Variants in ARHGEF1 observed in about 807,000 individuals in gnomAD.
The protein encoded by ARHGEF1 is 115 kDa guanine nucleotide exchange factor.
In ARHGEF1, 40 loss-of-function variants were observed where a neutral mutation model predicts 119.7. The ratio of observed to expected loss-of-function variants is 0.33; its 90% CI spans 0.26 to 0.44. The LOEUF is 0.44. ARHGEF1 is among the 20% of genes least tolerant of loss of function. The pLI, the probability that ARHGEF1 is intolerant of heterozygous loss-of-function variation, is 1.00. For synonymous variants in ARHGEF1, 494 were observed against 521.0 expected, an observed-to-expected ratio of 0.95 and a Z score of 0.71; for missense variants, 976 against 1,268.3, an observed-to-expected ratio of 0.77 and a Z score of 3.50.
At chr19:41,928,463 T>TCTCCTCTTC (rs1300751204) in intron 1 of ARHGEF1, 1 of 154,952 alleles carries the variant, frequency 6.5e-6, no homozygotes, top group Middle Eastern at 3.3e-3. Flanking sequence ...TCCTGCGCCT[T>TCTCCTCTTC]CTCCTCTTCC....
Position 41,902,905 on chromosome 19 carries a change from C to G in ARHGEF1, c.1738+7C>G, listed in dbSNP as rs375253553. The G allele has an allele frequency of 1.5e-5, 24 of 1,571,012 alleles. No homozygotes were observed. Among genetic ancestry groups the G allele is most frequent in the Non-Finnish European group, 1.9e-5 (22 of 1,160,148 alleles). On this transcript the variant is annotated splice_region_variant and intron_variant, in intron 18 of 28. Transcript: ENST00000354532. This position sits in a 1 kb window ranked among gnomAD's most constrained non-coding sequence, Gnocchi z 6.5. ...AGCATCGGGCAGAACACAGGTACCG[C>G]GGGCCTGGATCTCTGGGCCTCGGCT...
At chr19:41,911,685 A>G (rs569976971), downstream of ARHGEF1, among the ~76,000 whole-genome samples, 2 of 152,182 alleles carry the variant, frequency 1.3e-5, no homozygotes, top group East Asian at 3.9e-4. Context: ...GCTCTGACCC[A>G]TTCCACACCC....
chr19:41,895,638 T>C (rs1240610094), intron 12 of ARHGEF1, 152 bp downstream of exon 12: 2 of 873,240 alleles, frequency 2.3e-6, no homozygotes, highest in East Asian at 5.5e-5. Context: ...TGGTCACCAC[T>C]GTCATTCATA....
Position 41,898,562 on chromosome 19 carries a change from G to A in ARHGEF1, c.1242G>A (p.Gln414=). The part of the protein sequence containing the change: ...PDTLHSLPKS[Q]VKRQEVISEL... Reference sequence around the variant, plus strand: ...CCCTGCACAGCCTGCCCAAGAGCCAGGTGAAGCGGCAGGAGGTCATCAGCG... The same window carrying A: ...CCCTGCACAGCCTGCCCAAGAGCCAAGTGAAGCGGCAGGAGGTCATCAGCG... Residue 414 remains glutamine, a synonymous_variant, in exon 14 of 29, where the codon CAG becomes CAA. Coordinates refer to ENST00000354532, the MANE Select transcript of ARHGEF1 (RefSeq NM_004706.4). The A allele has an allele frequency of 6.3e-7, 1 of 1,582,148 alleles. No homozygotes were observed. Among genetic ancestry groups the A allele is most frequent in the Non-Finnish European group, 8.6e-7 (1 of 1,164,454 alleles).
rs781854337 is a variant in ARHGEF1 at position 41,892,151 on chromosome 19, C to A, written c.324+28C>A. ...GAGAGACCTTCAAGCTGCCCCAACC[C>A]TGCAATCCCTGTTTGGGCCTGCAGA... On this transcript the variant is annotated intron_variant, in intron 5 of 28. Coordinates refer to ENST00000354532, the MANE Select transcript of ARHGEF1 (RefSeq NM_004706.4). This position sits in a 1 kb window ranked among gnomAD's most constrained non-coding sequence, Gnocchi z 6.3. 38 of 1,598,434 alleles carry A rather than the reference C, an allele frequency of 2.4e-5. No individual in the cohort carries two copies. The Admixed American group carries it at 4.6e-4, about 19-fold the overall frequency.
At chr19:41,927,315 G>A (rs1555853353) in intron 1 of ARHGEF1, among the ~76,000 whole-genome samples, 1 of 152,066 alleles carries the variant, frequency 6.6e-6, no homozygotes, top group Non-Finnish European at 1.5e-5. Flanking sequence ...TCCTTGCCCC[G>A]AAGTGTGCAG....
At chr19:41,918,563 C>T (rs1367312929), upstream of ARHGEF1, among the ~76,000 whole-genome samples, 3 of 148,908 alleles carry the variant, frequency 2.0e-5, no homozygotes, top group Non-Finnish European at 4.5e-5. Flanking sequence ...CATCACTAAC[C>T]CTCACATACA....
chr19:41,897,190 TG>T (rs782255942), intron 13 of ARHGEF1: 4 of 971,694 alleles, frequency 4.1e-6, no homozygotes, highest in South Asian at 1.4e-5. Context: ...CCCTTACAGC[TG>T]GGGGGCAGGC....
chr19:41,893,282 T>A lies in ARHGEF1; in HGVS notation c.623T>A (p.Ile208Asn). 6.2e-7 allele frequency: 1 copy of A among 1,609,448 alleles called. No individual in the cohort carries two copies. The highest frequency in any genetic ancestry group is 1.4e-5 in the African/African-American group (1 of 73,674). ...LMHLEEMQHT[I>N]STDEEKSAAV... ...CTCTCTTCCTCCTACAGACATACCATCTCTACCGACGAAGAAAAGAGGTGA... is the reference window on the plus strand; with the variant it reads ...CTCTCTTCCTCCTACAGACATACCAACTCTACCGACGAAGAAAAGAGGTGA... Residue 208 changes from isoleucine to asparagine, a missense_variant, in exon 8 of 29, where the codon ATC (isoleucine) becomes AAC (asparagine). By Grantham distance (149) the Ile-to-Asn change is moderately radical (BLOSUM62 -3). This residue lies in a region of ARHGEF1 where 519 missense variants were observed against 580.9 expected (regional missense o/e 0.89). Coordinates refer to ENST00000354532, the MANE Select transcript of ARHGEF1 (RefSeq NM_004706.4).
At chr19:41,898,273 A>G (rs2123473376) in intron 13 of ARHGEF1, 169 bp from the exon 14 acceptor site, 4 of 1,311,042 alleles carry the variant, frequency 3.1e-6, no homozygotes, top group Non-Finnish European at 4.1e-6. Flanking sequence ...ATGCTTCTAG[A>G]GATCTGGGAA....
rs1555849547 is a variant in ARHGEF1 at position 41,903,881 on chromosome 19, C to T, written c.1917+97C>T. ...AGCCTGTCCTGCCCATCCCATAATA[C>T]ACCCAGGAAGCGAGAGCTCTGTCCC... On this transcript the variant is annotated intron_variant, in intron 20 of 28. Transcript: ENST00000354532. The surrounding 1 kb of genome is among the most constrained non-coding windows in gnomAD (Gnocchi z 4.2). 3 of 1,423,254 alleles carry T rather than the reference C, an allele frequency of 2.1e-6. No homozygotes were observed. The highest frequency in any genetic ancestry group is 2.8e-5 in the African/African-American group (2 of 70,546). The allele number at this position is 1,423,254 out of a possible 1,614,324, so 88.2% of individuals were successfully genotyped here.
intron 7 of ARHGEF1, 186 bp from the exon 8 acceptor site, chr19:41,893,088 C>T: frequency 1.0e-6 from 1 of 1,003,492 alleles, no homozygotes; most frequent in Non-Finnish European, 1.4e-6. Flanking sequence ...GCACTTGGAT[C>T]CCATCCTCCT....
At chr19:41,884,598 G>T in intron 1 of ARHGEF1, 1 of 1,439,270 alleles carries the variant, frequency 6.9e-7, no homozygotes, top group Admixed American at 2.0e-5. Flanking sequence ...TTTAGGGCCC[G>T]CGTAAGACCC....
chr19:41,894,935 T>C (rs1378250282), intron 11 of ARHGEF1, among the ~76,000 whole-genome samples: 1 of 93,552 alleles, frequency 1.1e-5, no homozygotes, highest in Admixed American at 9.5e-5. Context: ...CTGGGGGAGC[T>C]CCTGGGTCTG....
chr19:41,902,649 C>G lies in ARHGEF1; in HGVS notation c.1614C>G (p.Ala538=). 1 of 1,614,232 alleles carries G rather than the reference C, an allele frequency of 6.2e-7. No homozygotes were observed. Among genetic ancestry groups the G allele is most frequent in the East Asian group, 2.2e-5 (1 of 44,890 alleles). ...AKQRKDPRFC[A]FVQEAESRPR... is the part of the protein sequence containing the mutation. ...AACGCAAGGACCCTCGGTTCTGTGCCTTCGTGCAGGTGAGGTGGGGTCTGG... is the reference window on the plus strand; with the variant it reads ...AACGCAAGGACCCTCGGTTCTGTGCGTTCGTGCAGGTGAGGTGGGGTCTGG... The change falls in exon 17 of 29, where the codon GCC becomes GCG. Residue 538 remains alanine (A), a synonymous_variant. Transcript: ENST00000354532. This position sits in a 1 kb window ranked among gnomAD's most constrained non-coding sequence, Gnocchi z 6.5.
At chr19:41,915,210 C>T (rs551341863) in intron 18 of ARHGEF1, among the ~76,000 whole-genome samples, 1 of 147,818 alleles carries the variant, frequency 6.8e-6, no homozygotes, top group African/African-American at 2.5e-5. Context: ...TCCCCGCCGC[C>T]TCCTCCGGAC....
chr19:41,913,062 C>A (rs1040148224), intron 18 of ARHGEF1: 45 of 403,926 alleles, frequency 1.1e-4, no homozygotes, highest in Non-Finnish European at 1.8e-4. Flanking sequence ...CCTCTCCCCG[C>A]AATCCCTCCT....
At chr19:41,898,372 G>A (rs1017779058) in intron 13 of ARHGEF1, 70 bp from the exon 14 acceptor site, 29 of 1,547,046 alleles carry the variant, frequency 1.9e-5, no homozygotes, top group East Asian at 4.9e-5. Context: ...GGGGTTGAAC[G>A]CTCTAAGAGG....
At position 41,905,819 on chromosome 19, in the gene ARHGEF1, C is replaced by T. The variant is rs1555850062; in HGVS notation, c.2396C>T (p.Pro799Leu). ...GGCAATGGTGGCCGAGAGACGTCTC[C>T]AGCTGATGGTGAGACCAGAGGGATG... Reference protein sequence around the residue: ...ENGNGGRETSPADARTERILS... With the variant: ...ENGNGGRETSLADARTERILS... Residue 799 changes from proline to leucine, a missense_variant, in exon 25 of 29, where the codon CCA becomes CTA. Physicochemically the swap from Pro to Leu is moderately conservative, Grantham distance 98. This residue lies in a region of ARHGEF1 where 171 missense variants were observed against 180.6 expected (regional missense o/e 0.95). Transcript: ENST00000354532. The surrounding 1 kb of genome is among the most constrained non-coding windows in gnomAD (Gnocchi z 6.4). The T allele has an allele frequency of 6.2e-7, 1 of 1,614,160 alleles. No individual in the cohort carries two copies. The highest frequency in any genetic ancestry group is 1.7e-5 in the Admixed American group (1 of 60,018).
Sources: gnomAD v4.1 joint callset for allele counts (sites outside exome capture counted in the v4.1 genomes callset) on GRCh38, gnomAD v4.1.1 for gene constraint, gnomAD v4.1.1 regional missense constraint, Gnocchi (gnomAD v3.1) non-coding constraint, MANE v1.5 for transcripts, NCBI Gene and HGNC (gene_info 2026-07-23, HGNC 2026-07-21) for gene names.